GUCY2F: variants seen among roughly 807,000 people sequenced by gnomAD.
GUCY2F encodes the protein guanylate cyclase 2F, retinal.
In GUCY2F, 61 loss-of-function variants were observed where a neutral mutation model predicts 73.1. The ratio of observed to expected loss-of-function variants is 0.83; its 90% CI spans 0.68 to 1.03. The LOEUF is 1.03. GUCY2F is among the 50% of genes least tolerant of loss of function. The pLI is 0.00. For synonymous variants in GUCY2F, 331 were observed against 307.8 expected (o/e 1.08, Z -0.79); for missense variants, 912 against 854.3 (o/e 1.07, Z -0.84).
At chrX:109,426,475 G>A (rs141678065) in intron 8 of GUCY2F, among the ~76,000 whole-genome samples, 2,046 of 111,959 alleles carry the variant, frequency 0.018, 44 homozygotes, top group African/African-American at 0.062. Flanking sequence ...TGCAAGCTCC[G>A]CCTCCCGGGT....
intron 10 of GUCY2F, among the ~76,000 whole-genome samples, chrX:109,398,910 C>T (rs1373178976): frequency 8.9e-6 from 1 of 111,786 alleles, no homozygotes. Flanking sequence ...CACCCCAGGA[C>T]CACGCAGGCA....
chrX:109,481,088 AAGGAAGGAAGGAAGGAAGGG>A (rs1229029936), intron 1 of GUCY2F, among the ~76,000 whole-genome samples: 150 of 69,437 alleles, frequency 2.2e-3, no homozygotes, highest in African/African-American at 7.2e-3. Context: ...GGAAGGAAGG[AAGGAAGGAAGGAAGGAAGGG>A]AGGGAGGGAG....
chrX:109,471,534 G>T (rs1428213931), intron 2 of GUCY2F, among the ~76,000 whole-genome samples: 2 of 112,240 alleles, frequency 1.8e-5, no homozygotes, highest in Non-Finnish European at 3.8e-5. Flanking sequence ...ACTGGATTTT[G>T]GCCCTCAAGT....
rs899961599 is a variant in GUCY2F, at chrX:109,448,083, G to A, written c.1555C>T (p.His519Tyr). 9.5e-7 allele frequency: 1 copy of A among 1,051,828 alleles called. No homozygotes were observed. Among genetic ancestry groups the A allele is most frequent in the Non-Finnish European group, 1.3e-6 (1 of 750,426 alleles). 86.7% of individuals were successfully genotyped at this position (1,051,828 alleles called of 1,213,427 possible). ...TLEDVTFINP[H>Y]FGSKRGSRAS... is the part of the protein sequence containing the mutation. ...ATACTCCTTACCTTACTGCCAAAGTGGGGATTGATAAACGTTACATCCTCC... is the reference window on the plus strand; with the variant it reads ...ATACTCCTTACCTTACTGCCAAAGTAGGGATTGATAAACGTTACATCCTCC... Residue 519 changes from histidine to tyrosine, a missense_variant, in exon 6 of 20, where the codon CAC becomes TAC. Transcript: ENST00000218006.
chrX:109,434,704 G>T, intron 7 of GUCY2F, among the ~76,000 whole-genome samples: 1 of 109,979 alleles, frequency 9.1e-6, no homozygotes, highest in African/African-American at 3.4e-5. Flanking sequence ...CCTTGCCCAT[G>T]CCTATGTCCT....
Position 109,430,354 on chromosome X carries a change from CA to C in GUCY2F, c.1743del (p.Phe581LeufsTer17). On this transcript the variant is annotated frameshift_variant, in exon 8 of 20. Coordinates refer to ENST00000218006, the MANE Select transcript of GUCY2F (RefSeq NM_001522.3). LOFTEE classifies it high-confidence loss of function. ...CTTGATTTGATGGACTTAAGGTCTCCAAAATCTCCAAGGGAGAACTTTTTCA... is the reference window on the plus strand; with the variant it reads ...CTTGATTTGATGGACTTAAGGTCTCCAAATCTCCAAGGGAGAACTTTTTCA... The part of the protein sequence containing the change: ...VWLKKFSLGD[F>X]GDLKSIKSRA... 2.6e-6 allele frequency: 3 copies of C among 1,147,321 alleles called. No individual in the cohort carries two copies. The highest frequency in any genetic ancestry group is 3.6e-6 in the Non-Finnish European group (3 of 836,711). 94.6% of individuals were successfully genotyped at this position (1,147,321 alleles called of 1,213,427 possible). A position where few individuals can be genotyped will look rare whatever the true frequency, so the allele number is the denominator to read the frequency against.
chrX:109,411,648 T>G (rs1289986779), intron 8 of GUCY2F, among the ~76,000 whole-genome samples: 1 of 111,635 alleles, frequency 9.0e-6, no homozygotes, highest in Non-Finnish European at 1.9e-5. Flanking sequence ...TAAATTCAGT[T>G]GGAGACGTAT....
At chrX:109,378,942 C>T (rs893617266) in intron 17 of GUCY2F, among the ~76,000 whole-genome samples, 1 of 111,865 alleles carries the variant, frequency 8.9e-6, no homozygotes, top group Non-Finnish European at 1.9e-5. Flanking sequence ...ATGTTCATTG[C>T]AGCACTAGGC....
chrX:109,460,008 A>G (rs1932331885), intron 3 of GUCY2F, among the ~76,000 whole-genome samples: 1 of 112,033 alleles, frequency 8.9e-6, no homozygotes, highest in African/African-American at 3.2e-5. Context: ...CTTGGAAATT[A>G]AAAATATAAC....
chrX:109,474,302 A>T (rs944276854), intron 2 of GUCY2F, among the ~76,000 whole-genome samples: 1 of 111,921 alleles, frequency 8.9e-6, no homozygotes, highest in African/African-American at 3.3e-5. Flanking sequence ...TGGGGGAATG[A>T]GCAGCGTTCC....
Position 109,463,401 on chromosome X carries a change from C to G in GUCY2F, c.1032+1741G>C, listed in dbSNP as rs1435042450. ...CAAACAAGGTATGGGAAGAAGTCTA[C>G]TTGGGGAGATTCTGGGAAAGATTTC... On this transcript the variant is annotated intron_variant, in intron 3 of 19. Transcript: ENST00000218006. Among the ~76,000 whole-genome samples, 7 of 105,690 alleles carry G rather than the reference C, an allele frequency of 6.6e-5. No individual in the cohort carries two copies. In the Admixed American group the frequency reaches 7.1e-4, roughly 11 times the overall value. 91.8% of individuals were successfully genotyped at this position (105,690 alleles called of 115,157 possible). A position where few individuals can be genotyped will look rare whatever the true frequency, so the allele number is the denominator to read the frequency against.
intron 6 of GUCY2F, among the ~76,000 whole-genome samples, chrX:109,446,501 C>T (rs948188549): frequency 1.8e-5 from 2 of 110,307 alleles, no homozygotes; most frequent in Admixed American, 9.5e-5. Context: ...CTTTGACAAA[C>T]CTGACAAAAT....
At chrX:109,455,306 G>C (rs762707950) in intron 3 of GUCY2F, among the ~76,000 whole-genome samples, 8 of 111,908 alleles carry the variant, frequency 7.1e-5, no homozygotes. Context: ...TCATTTATCA[G>C]CTTTCTCTGT....
At position 109,475,347 on chromosome X, in the gene GUCY2F, A is replaced by G. The variant is rs1180790444; in HGVS notation, c.590T>C (p.Ile197Thr). 4.1e-6 allele frequency: 5 copies of G among 1,209,562 alleles called. No individual in the cohort carries two copies. The Admixed American group carries it at 6.5e-5, about 16-fold the overall frequency. Reference sequence around the variant, plus strand: ...GACTCGATTGGCTGTATGCACCCAAATGTCTTCATCTGAGGAAATGACTCC... The same window carrying G: ...GACTCGATTGGCTGTATGCACCCAAGTGTCTTCATCTGAGGAAATGACTCC... ...HAGVISSDED[I>T]WVHTANRVAS... Residue 197 changes from isoleucine to threonine, a missense_variant, in exon 2 of 20, where the codon ATT becomes ACT. Ile to Thr is a moderately conservative substitution (Grantham distance 89, BLOSUM62 -1). Transcript: ENST00000218006.
rs886523083 is a variant in GUCY2F at position 109,385,274 on chromosome X, C to A, written c.2965G>T (p.Val989Phe). The change falls in exon 16 of 20, where the codon GTT (valine) becomes TTT (phenylalanine). Residue 989 changes from valine to phenylalanine, a missense_variant. Val to Phe is a conservative substitution (Grantham distance 50). Coordinates refer to ENST00000218006, the MANE Select transcript of GUCY2F (RefSeq NM_001522.3). ...IRIGLHSGPV[V>F]AGVVGLTMPR... ...ATGGTGAGGCCCACCACTCCAGCAA[C>A]AACCGGCCCTATAGAGTATCAGGGG... 5.2e-6 allele frequency: 6 copies of A among 1,148,241 alleles called. No individual in the cohort carries two copies. Among genetic ancestry groups the A allele is most frequent in the Non-Finnish European group, 7.1e-6 (6 of 840,977 alleles). 94.6% of individuals were successfully genotyped at this position (1,148,241 alleles called of 1,213,427 possible).
At chrX:109,452,910 T>TGTTGGGCA (rs1338645606) in intron 4 of GUCY2F, among the ~76,000 whole-genome samples, 2 of 111,817 alleles carry the variant, frequency 1.8e-5, no homozygotes, top group African/African-American at 6.5e-5. Context: ...ATACCTACTG[T>TGTTGGGCA]GTTGGGCAGT....
At chrX:109,449,862 G>T (rs900343723) in intron 5 of GUCY2F, among the ~76,000 whole-genome samples, 2 of 111,237 alleles carry the variant, frequency 1.8e-5, no homozygotes, top group African/African-American at 3.3e-5. Context: ...GGAGTTCAAA[G>T]AATCCTTTGT....
chrX:109,442,201 T>C (rs1337813977), intron 6 of GUCY2F, among the ~76,000 whole-genome samples: 4 of 111,987 alleles, frequency 3.6e-5, no homozygotes. Flanking sequence ...CTGCAATCTG[T>C]GTTAACCTTT....
Position 109,465,303 on chromosome X carries a change from TA to T in GUCY2F, c.870del (p.Tyr290Ter), listed in dbSNP as rs1932445786. ...PYDALLYSLP[Y>X]KHTPYRVLRN... is the part of the protein sequence containing the mutation. ...CTTAGGACCCGGTAGGGGGTGTGCT[TA>T]TAAGGTAAACTGTAGAGCAGGGCAT... is the stretch of plus-strand genomic sequence containing the variant. On this transcript the variant is annotated frameshift_variant, in exon 3 of 20. Coordinates refer to ENST00000218006, the MANE Select transcript of GUCY2F (RefSeq NM_001522.3). LOFTEE classifies it high-confidence loss of function. 3.3e-6 allele frequency: 4 copies of T among 1,207,285 alleles called. No individual in the cohort carries two copies. In the African/African-American group the frequency reaches 5.3e-5, roughly 16 times the overall value.
Sources: allele counts gnomAD v4.1 joint callset (sites outside exome capture counted in the v4.1 genomes callset), GRCh38; gene constraint gnomAD v4.1.1; transcripts MANE v1.5; gene names NCBI Gene and HGNC (gene_info 2026-07-23, HGNC 2026-07-21).